The following GTF2H3 variants were observed in gnomAD, a reference collection of about 807,000 sequenced individuals.
The protein encoded by GTF2H3 is general transcription factor IIH subunit 3.
A neutral mutation model predicts 51.1 loss-of-function variants in GTF2H3; 42 were observed. The observed-to-expected ratio is 0.82, with a 90% confidence interval of 0.64 to 1.06. The LOEUF (loss-of-function observed/expected upper bound fraction) is 1.06, where lower values mean the gene tolerates loss of function less well. GTF2H3 is among the 50% of genes least tolerant of loss of function. The pLI is 0.00. For synonymous variants in GTF2H3, 123 were observed against 123.8 expected, an observed-to-expected ratio of 0.99 and a Z score of 0.04; for missense variants, 326 against 366.1, an observed-to-expected ratio of 0.89 and a Z score of 0.89.
chr12:123,654,474 G>A (rs1476079463), intron 7 of GTF2H3, among the ~76,000 whole-genome samples: 1 of 151,074 alleles, frequency 6.6e-6, no homozygotes, highest in African/African-American at 2.4e-5. Flanking sequence ...TGTTTTGGGT[G>A]TATGTGTATT....
chr12:123,655,793 T>G lies in GTF2H3; in HGVS notation c.584T>G (p.Val195Gly). Residue 195 changes from valine (V) to glycine (G), a missense_variant, in exon 9 of 13, where the codon GTT becomes GGT. Val to Gly is a moderately radical substitution (Grantham distance 109). Transcript: ENST00000543341. The stretch of plus-strand genomic sequence containing the variant: ...TAGAATATTTTGATTGATGCCTGTG[T>G]TTTAGACTCCGACTCAGGGCTCCTC... ...QKQNILIDAC[V>G]LDSDSGLLQQ... 6.3e-7 allele frequency: 1 copy of G among 1,599,302 alleles called. No individual in the cohort carries two copies. Among genetic ancestry groups the G allele is most frequent in the Non-Finnish European group, 8.6e-7 (1 of 1,166,918 alleles).
Position 123,662,539 on chromosome 12 carries a change from G to C in GTF2H3, c.*2304G>C, listed in dbSNP as rs1955670284. The stretch of plus-strand genomic sequence containing the variant: ...ATATTTGGTTAGTTCTGTTTAACTT[G>C]TTTTTAACTGTTGCCCTTATGAGTT... On this transcript the variant is annotated 3_prime_UTR_variant, in exon 13 of 13. Transcript: ENST00000543341. The C allele has an allele frequency of 6.6e-6, 1 of 151,976 alleles. No homozygotes were observed. Among genetic ancestry groups the C allele is most frequent in the African/African-American group, 2.4e-5 (1 of 41,396 alleles). The allele number at this position is 151,976 out of a possible 1,614,324, so 9.4% of individuals were successfully genotyped here.
chr12:123,641,979 G>A (rs1955381781), intron 2 of GTF2H3, among the ~76,000 whole-genome samples: 1 of 151,480 alleles, frequency 6.6e-6, no homozygotes, highest in South Asian at 2.1e-4. Context: ...TCAGCCTCCC[G>A]AGTAGCTGGG....
At chr12:123,656,624 C>T (rs537248195) in intron 9 of GTF2H3, among the ~76,000 whole-genome samples, 26 of 152,274 alleles carry the variant, frequency 1.7e-4, no homozygotes, top group Non-Finnish European at 5.9e-5. Flanking sequence ...GTGTCAAAAG[C>T]AGAGAGCTCT....
At chr12:123,641,527 G>GTTTTTTTTT (rs112546170) in intron 2 of GTF2H3, among the ~76,000 whole-genome samples, 3 of 128,548 alleles carry the variant, frequency 2.3e-5, no homozygotes, top group African/African-American at 1.0e-4. Flanking sequence ...GTCTGCCCCC[G>GTTTTTTTTT]TTTTTTTTTT....
rs1431613782 is a variant in GTF2H3 at position 123,647,950 on chromosome 12, C to T, written c.201-13C>T. 4.4e-6 allele frequency: 7 copies of T among 1,605,848 alleles called. No homozygotes were observed. The African/African-American group carries it at 6.7e-5, about 15-fold the overall frequency. On this transcript the variant is annotated splice_polypyrimidine_tract_variant and intron_variant, in intron 3 of 12. Transcript: ENST00000543341. Reference sequence around the variant, plus strand: ...GGCCTGGTGTAACCAGGTTTTTTCCCCTGCTGTTTCAGCCGATTCTTATAT... The same window carrying T: ...GGCCTGGTGTAACCAGGTTTTTTCCTCTGCTGTTTCAGCCGATTCTTATAT...
chr12:123,651,204 T>G (rs1013536437), intron 5 of GTF2H3, 148 bp downstream of exon 5: 6 of 567,892 alleles, frequency 1.1e-5, no homozygotes, highest in Non-Finnish European at 1.9e-5. Flanking sequence ...TAGTTTACAT[T>G]GGCTTTGAAT....
chr12:123,652,474 T>G, intron 5 of GTF2H3, 58 bp from the exon 6 acceptor site: 1 of 998,948 alleles, frequency 1.0e-6, no homozygotes, highest in Non-Finnish European at 1.5e-6. Context: ...TTCTTTTTAC[T>G]ATAAATATTT....
intron 1 of GTF2H3, among the ~76,000 whole-genome samples, chr12:123,635,189 C>T (rs1390510745): frequency 6.6e-6 from 1 of 152,178 alleles, no homozygotes; most frequent in African/African-American, 2.4e-5. Flanking sequence ...CTTTTTCTGT[C>T]TGGCAGACAC....
chr12:123,649,724 G>A (rs1451888491), intron 4 of GTF2H3: 2 of 152,238 alleles, frequency 1.3e-5, no homozygotes, highest in Non-Finnish European at 2.9e-5. Context: ...GTTAGTGGTT[G>A]CCCAGAGCTG....
At chr12:123,642,551 G>A (rs553142345) in intron 2 of GTF2H3, among the ~76,000 whole-genome samples, 1 of 152,130 alleles carries the variant, frequency 6.6e-6, no homozygotes, top group African/African-American at 2.4e-5. Context: ...ATATCTTTTG[G>A]GGGGACATAA....
intron 3 of GTF2H3, 84 bp downstream of exon 3, chr12:123,645,645 C>T: frequency 1.4e-6 from 1 of 715,426 alleles, no homozygotes; most frequent in Middle Eastern, 2.4e-4. Context: ...TGTTCCTACT[C>T]CATGTTGCAA....
intron 5 of GTF2H3, among the ~76,000 whole-genome samples, chr12:123,652,164 C>G (rs1029266424): frequency 2.0e-5 from 3 of 152,100 alleles, no homozygotes; most frequent in Admixed American, 6.6e-5. Context: ...GGAGGAGGGG[C>G]AGTATTGAGT....
At chr12:123,642,470 A>G (rs1026589979) in intron 2 of GTF2H3, among the ~76,000 whole-genome samples, 4 of 152,084 alleles carry the variant, frequency 2.6e-5, no homozygotes, top group African/African-American at 9.7e-5. Flanking sequence ...CACCTGGTCA[A>G]TCTCTTCTTA....
rs371072791 is a variant in GTF2H3, at chr12:123,635,178, G to A, written c.13+1306G>A. 5.9e-5 allele frequency among the ~76,000 whole-genome samples: 9 copies of A among 152,268 alleles called. No individual in the cohort carries two copies. The South Asian group carries it at 1.2e-3, about 21-fold the overall frequency. ...ATGCACACCTTTCTTTACAGGCAAC[G>A]CTTTTTCTGTCTGGCAGACACAGTT... On this transcript the variant is annotated intron_variant, in intron 1 of 12. Coordinates refer to ENST00000543341, the MANE Select transcript of GTF2H3 (RefSeq NM_001516.5).
At position 123,651,062 on chromosome 12, in the gene GTF2H3, C is replaced by T; in HGVS notation, c.427+6C>T. ...CCTGGCCAAAGCCCTTTGCTGTATCCTTGGTGTCTGAATCATTTAGAAGGT... is the reference window on the plus strand; with the variant it reads ...CCTGGCCAAAGCCCTTTGCTGTATCTTTGGTGTCTGAATCATTTAGAAGGT... On this transcript the variant is annotated splice_donor_region_variant and intron_variant, in intron 5 of 12. Coordinates refer to ENST00000543341, the MANE Select transcript of GTF2H3 (RefSeq NM_001516.5). 10 of 1,604,802 alleles carry T rather than the reference C, an allele frequency of 6.2e-6. No homozygotes were observed. The highest frequency in any genetic ancestry group is 1.7e-5 in the Admixed American group (1 of 59,988).
chr12:123,645,262 G>A (rs11572952), intron 2 of GTF2H3, among the ~76,000 whole-genome samples, 193 bp from the exon 3 acceptor site: 45,332 of 151,834 alleles, frequency 0.3, 7,436 homozygotes, highest in Non-Finnish European at 0.38. Context: ...TAGAGCTAAG[G>A]TTTCATTATG....
chr12:123,651,466 C>T (rs1955519656), intron 5 of GTF2H3, among the ~76,000 whole-genome samples: 1 of 152,018 alleles, frequency 6.6e-6, no homozygotes. Context: ...CCACCTCGGC[C>T]TCTCAAAGTG....
intron 8 of GTF2H3, 47 bp downstream of exon 8, chr12:123,655,045 A>G: frequency 1.4e-6 from 2 of 1,464,046 alleles, no homozygotes; most frequent in Non-Finnish European, 1.9e-6. Flanking sequence ...ATAACGAAGG[A>G]GTCAATTTCA....
Sources: gnomAD v4.1 joint callset for allele counts (sites outside exome capture counted in the v4.1 genomes callset) on GRCh38, gnomAD v4.1.1 for gene constraint, MANE v1.5 for transcripts, NCBI Gene and HGNC (gene_info 2026-07-23, HGNC 2026-07-21) for gene names.